CTTNBP2: variants seen among roughly 807,000 people sequenced by gnomAD.
CTTNBP2 encodes the protein cortactin-binding protein 2.
CTTNBP2 carries 108 observed loss-of-function variants against 156.9 expected under a neutral mutation model. That is an observed-to-expected ratio of 0.69 (90% confidence interval 0.59 to 0.81). The LOEUF (loss-of-function observed/expected upper bound fraction) is 0.81. Among genes scored for constraint, CTTNBP2 ranks in the 30% least tolerant of loss-of-function variants. CTTNBP2 has a pLI of 0.00. For missense variants in CTTNBP2, 1,924 were observed against 2,035.4 expected (o/e 0.95, Z 1.05); for synonymous variants, 767 against 751.8 (o/e 1.02, Z -0.33).
intron 3 of CTTNBP2, among the ~76,000 whole-genome samples, chr7:117,807,320 C>A (rs1233720275): frequency 6.6e-6 from 1 of 151,890 alleles, no homozygotes; most frequent in African/African-American, 2.4e-5. Context: ...GAATGAAAGT[C>A]TAAAAAGCAA....
intron 2 of CTTNBP2, among the ~76,000 whole-genome samples, chr7:117,820,217 A>T (rs972924827): frequency 6.6e-6 from 1 of 152,204 alleles, no homozygotes; most frequent in African/African-American, 2.4e-5. Flanking sequence ...CTATTAAATT[A>T]TCAGTGCACA....
chr7:117,795,807 C>T (rs1449767605), intron 3 of CTTNBP2, among the ~76,000 whole-genome samples: 1 of 152,198 alleles, frequency 6.6e-6, no homozygotes, highest in Non-Finnish European at 1.5e-5. Context: ...CAAACTAATA[C>T]ATGTCTTAAT....
intron 2 of CTTNBP2, among the ~76,000 whole-genome samples, chr7:117,816,655 CAACA>C (rs1353061164): frequency 6.6e-6 from 1 of 152,146 alleles, no homozygotes; most frequent in East Asian, 1.9e-4. Context: ...ACCTGCTTTT[CAACA>C]AACAAAATGT....
chr7:117,817,361 A>ATATATATATATATATAT (rs1298639361), intron 2 of CTTNBP2, among the ~76,000 whole-genome samples: 3,631 of 53,030 alleles, frequency 0.068, 674 homozygotes, highest in Middle Eastern at 0.17. Flanking sequence ...AAAAAAAAAA[A>ATATATATATATATATAT]ATATATATAT....
At chr7:117,713,377 C>T (rs1441999544) in intron 22 of CTTNBP2, among the ~76,000 whole-genome samples, 1 of 152,206 alleles carries the variant, frequency 6.6e-6, no homozygotes, top group African/African-American at 2.4e-5. Context: ...TGTCTAGCCA[C>T]ACTTCAAATT....
intron 11 of CTTNBP2, among the ~76,000 whole-genome samples, chr7:117,757,433 T>G (rs1205682862): frequency 6.7e-6 from 1 of 149,824 alleles, no homozygotes; most frequent in Non-Finnish European, 1.5e-5. Context: ...ATACTTATAG[T>G]ATGCTATAAA....
At chr7:117,811,251 T>C (rs1800259739) in intron 2 of CTTNBP2, among the ~76,000 whole-genome samples, 1 of 152,114 alleles carries the variant, frequency 6.6e-6, no homozygotes, top group South Asian at 2.1e-4. Flanking sequence ...TTTCCTATGG[T>C]GCCCTACTCC....
intron 3 of CTTNBP2, among the ~76,000 whole-genome samples, chr7:117,797,415 A>G (rs34750481): frequency 0.011 from 1,626 of 152,324 alleles, 31 homozygotes; most frequent in African/African-American, 0.037. Context: ...TTCAGTATAC[A>G]ATAAGAAATT....
In CTTNBP2 at chr7:117,779,822, G is replaced by A. The variant is rs377350533; in HGVS notation, c.2523+619C>T. On this transcript the variant is annotated intron_variant, in intron 7 of 22. Transcript: ENST00000160373. ...TTCTCCCAGGCTGGAGTGCAACAGC[G>A]CCATCTCAGCTCACCACAACCTCTG... is the stretch of plus-strand genomic sequence containing the variant. 7.2e-5 allele frequency among the ~76,000 whole-genome samples: 11 copies of A among 152,006 alleles called. No homozygotes were observed. In the South Asian group the frequency reaches 1.5e-3, roughly 20 times the overall value.
chr7:117,866,604 T>C (rs1261452577), intron 1 of CTTNBP2, among the ~76,000 whole-genome samples: 1 of 152,210 alleles, frequency 6.6e-6, no homozygotes, highest in African/African-American at 2.4e-5. Flanking sequence ...GCAATGTGGC[T>C]AGGGAAGAAT....
At position 117,725,193 on chromosome 7, in the gene CTTNBP2, C is replaced by G. The variant is rs759014527; in HGVS notation, c.4120G>C (p.Ala1374Pro). Reference protein sequence around the residue: ...PRVQEAILSRASVKRQPGFGQ... With the variant: ...PRVQEAILSRPSVKRQPGFGQ... ...AAGCCAGGTTGTCTTTTCACAGAGG[C>G]TCTTGACAATATTGCTTCTTGAACT... Residue 1374 changes from alanine to proline, a missense_variant, in exon 18 of 23, where the codon GCC becomes CCC. Transcript: ENST00000160373. 3.1e-6 allele frequency: 5 copies of G among 1,613,974 alleles called. No homozygotes were observed. The Admixed American group carries it at 8.3e-5, about 27-fold the overall frequency.
At chr7:117,867,365 T>C (rs1451674538) in intron 1 of CTTNBP2, among the ~76,000 whole-genome samples, 1 of 152,046 alleles carries the variant, frequency 6.6e-6, no homozygotes, top group African/African-American at 2.4e-5. Flanking sequence ...GTTCTCGCCA[T>C]TCAGTCTTAA....
In CTTNBP2 at chr7:117,787,659, G is replaced by A. The variant is rs564922841; in HGVS notation, c.2069-3205C>T. 2.6e-5 allele frequency among the ~76,000 whole-genome samples: 4 copies of A among 152,286 alleles called. No homozygotes were observed. In the South Asian group the frequency reaches 8.3e-4, roughly 32 times the overall value. On this transcript the variant is annotated intron_variant, in intron 4 of 22. Coordinates refer to ENST00000160373, the MANE Select transcript of CTTNBP2 (RefSeq NM_033427.3). ...CATTTGAAATGTGTCTATTTGGCAA[G>A]TTCAGGAGGAACAAGAAATTCTAGT...
At chr7:117,845,403 T>A (rs1802524589) in intron 2 of CTTNBP2, among the ~76,000 whole-genome samples, 1 of 152,228 alleles carries the variant, frequency 6.6e-6, no homozygotes, top group Admixed American at 6.5e-5. Context: ...ATCTGTATTA[T>A]ATGTGTTCAT....
chr7:117,871,433 G>T (rs1317580580), intron 1 of CTTNBP2, among the ~76,000 whole-genome samples: 1 of 151,988 alleles, frequency 6.6e-6, no homozygotes, highest in Non-Finnish European at 1.5e-5. Flanking sequence ...ATTGCATCTC[G>T]CAACCCTAAA....
At chr7:117,824,434 C>A (rs1373980148) in intron 2 of CTTNBP2, among the ~76,000 whole-genome samples, 1 of 152,068 alleles carries the variant, frequency 6.6e-6, no homozygotes, top group Non-Finnish European at 1.5e-5. Flanking sequence ...TCACTTTAAT[C>A]CTTTCCACTG....
intron 12 of CTTNBP2, among the ~76,000 whole-genome samples, chr7:117,752,736 G>A (rs1046369370): frequency 1.3e-5 from 2 of 152,174 alleles, no homozygotes; most frequent in African/African-American, 4.8e-5. Context: ...TTACATGCAT[G>A]AGTAGGCAGA....
intron 1 of CTTNBP2, 95 bp from the exon 2 acceptor site, chr7:117,861,411 G>T: frequency 1.2e-6 from 1 of 830,146 alleles, no homozygotes; most frequent in Non-Finnish European, 2.0e-6. Flanking sequence ...TTATCCCAGT[G>T]GCTCGGCAGA....
rs1392970067 is a variant in CTTNBP2, at chr7:117,767,192, C to T, written c.2779-16G>A. The T allele has an allele frequency of 7.5e-7, 1 of 1,338,772 alleles. No homozygotes were observed. The allele number at this position is 1,338,772 out of a possible 1,614,324, so 82.9% of individuals were successfully genotyped here. A position where few individuals can be genotyped will look rare whatever the true frequency, so the allele number is the denominator to read the frequency against. On this transcript the variant is annotated splice_polypyrimidine_tract_variant and intron_variant, in intron 8 of 22. Coordinates refer to ENST00000160373, the MANE Select transcript of CTTNBP2 (RefSeq NM_033427.3). ...CTAGGCAGTTCTATAAAGACAAGAG[C>T]TCTATTACCTCCAAGTCCAAATGAA...
Sources: gnomAD v4.1 joint callset for allele counts (sites outside exome capture counted in the v4.1 genomes callset) on GRCh38, gnomAD v4.1.1 for gene constraint, MANE v1.5 for transcripts, NCBI Gene and HGNC (gene_info 2026-07-23, HGNC 2026-07-21) for gene names.